Variants in TMEM135 observed in about 807,000 individuals in gnomAD.
The protein encoded by TMEM135 is transmembrane protein 135, also known as peroxisomal membrane protein 52.
TMEM135 carries 30 observed loss-of-function variants against 60.3 expected under a neutral mutation model. That is an observed-to-expected ratio of 0.50 (90% CI 0.37 to 0.68). The LOEUF (loss-of-function observed/expected upper bound fraction) is 0.68, where lower values mean the gene tolerates loss of function less well. Among genes scored for constraint, TMEM135 ranks in the 30% least tolerant of loss-of-function variants. TMEM135 has a pLI of 0.00. For synonymous variants in TMEM135, 190 were observed against 186.7 expected, an observed-to-expected ratio of 1.02 and a Z score of -0.14; for missense variants, 468 against 548.8, an observed-to-expected ratio of 0.85 and a Z score of 1.47.
At chr11:87,162,773 C>A (rs1302800286) in intron 5 of TMEM135, among the ~76,000 whole-genome samples, 1 of 152,124 alleles carries the variant, frequency 6.6e-6, no homozygotes, top group Non-Finnish European at 1.5e-5. Flanking sequence ...ATTTCTGGTT[C>A]TAGATCCTTA....
chr11:87,058,180 A>G (rs964617539), intron 1 of TMEM135, among the ~76,000 whole-genome samples: 4 of 152,160 alleles, frequency 2.6e-5, no homozygotes, highest in Non-Finnish European at 5.9e-5. Flanking sequence ...TCAAATGTTA[A>G]TCTCACCTAG....
At chr11:87,157,023 G>A (rs1046802414) in intron 4 of TMEM135, among the ~76,000 whole-genome samples, 2 of 151,144 alleles carry the variant, frequency 1.3e-5, no homozygotes, top group Admixed American at 1.3e-4. Context: ...ATTGTGCCTT[G>A]TAGATGGTTC....
intron 6 of TMEM135, among the ~76,000 whole-genome samples, chr11:87,253,150 C>G (rs959237670): frequency 2.0e-5 from 3 of 152,092 alleles, no homozygotes; most frequent in Non-Finnish European, 4.4e-5. Flanking sequence ...GTTGAGTGTA[C>G]TCTAAGAATG....
At chr11:87,231,736 T>C (rs533435941) in intron 5 of TMEM135, among the ~76,000 whole-genome samples, 1 of 151,954 alleles carries the variant, frequency 6.6e-6, no homozygotes, top group Non-Finnish European at 1.5e-5. Flanking sequence ...TTAAAAAGAG[T>C]TATCATAACT....
chr11:87,321,255 A>C lies in TMEM135; in HGVS notation c.1299A>C (p.Lys433Asn), dbSNP rs1012350332. 1 of 1,613,760 alleles carries C rather than the reference A, an allele frequency of 6.2e-7. No homozygotes were observed. The highest frequency in any genetic ancestry group is 8.5e-7 in the Non-Finnish European group (1 of 1,179,716). Residue 433 changes from lysine (K) to asparagine (N), a missense_variant, in exon 15 of 15, where the codon AAA (lysine) becomes AAC (asparagine). Coordinates refer to ENST00000305494, the MANE Select transcript of TMEM135 (RefSeq NM_022918.4). Reference sequence around the variant, plus strand: ...ATGTTTTTGGTACTGGTGCATCTAAACACTTTCAGGATTTCATCCCCAGGT... The same window carrying C: ...ATGTTTTTGGTACTGGTGCATCTAACCACTTTCAGGATTTCATCCCCAGGT... Reference protein sequence around the residue: ...VLDVFGTGASKHFQDFIPRLD... With the variant: ...VLDVFGTGASNHFQDFIPRLD...
chr11:87,054,233 G>A (rs988140826), intron 1 of TMEM135, among the ~76,000 whole-genome samples: 10 of 151,940 alleles, frequency 6.6e-5, no homozygotes, highest in African/African-American at 2.2e-4. Flanking sequence ...TCAGGAGTTC[G>A]AGACCAGCCT....
At chr11:87,211,437 A>AT (rs1210192739) in intron 5 of TMEM135, among the ~76,000 whole-genome samples, 2 of 152,200 alleles carry the variant, frequency 1.3e-5, no homozygotes, top group African/African-American at 2.4e-5. Flanking sequence ...TAAAAAGTAT[A>AT]TTGAAGAGAA....
At chr11:87,121,099 A>T (rs1338514532) in intron 4 of TMEM135, 1 of 152,204 alleles carries the variant, frequency 6.6e-6, no homozygotes, top group African/African-American at 2.4e-5. Context: ...TTGTAGGGAA[A>T]GATTTTCTGT....
At chr11:87,314,014 CT>C (rs1942683907) in intron 11 of TMEM135, among the ~76,000 whole-genome samples, 1 of 151,738 alleles carries the variant, frequency 6.6e-6, no homozygotes, top group South Asian at 2.1e-4. Flanking sequence ...CCCTCCTCCC[CT>C]GGCCTTGGTT....
intron 6 of TMEM135, among the ~76,000 whole-genome samples, chr11:87,284,503 C>G (rs1554984492): frequency 6.7e-6 from 1 of 149,356 alleles, no homozygotes. Context: ...TTAGGACACA[C>G]CAGAAAAAAG....
chr11:87,040,858 C>T (rs954895261), intron 1 of TMEM135, among the ~76,000 whole-genome samples: 2 of 152,014 alleles, frequency 1.3e-5, no homozygotes, highest in Non-Finnish European at 2.9e-5. Flanking sequence ...CTCCCTTCTC[C>T]GGTGGCACTT....
chr11:87,063,407 C>T (rs752735941), intron 1 of TMEM135, among the ~76,000 whole-genome samples: 5 of 152,028 alleles, frequency 3.3e-5, no homozygotes, highest in African/African-American at 4.8e-5. Context: ...ATGAACATTA[C>T]GAAGTCTTTG....
At chr11:87,076,062 C>G (rs941197877) in intron 3 of TMEM135, among the ~76,000 whole-genome samples, 2 of 152,192 alleles carry the variant, frequency 1.3e-5, no homozygotes, top group Non-Finnish European at 2.9e-5. Context: ...TGTGTTCACT[C>G]AAAGCCCTAG....
intron 7 of TMEM135, among the ~76,000 whole-genome samples, chr11:87,297,726 A>G (rs1203994013): frequency 6.6e-6 from 1 of 152,224 alleles, no homozygotes; most frequent in Non-Finnish European, 1.5e-5. Flanking sequence ...AATATTCCAG[A>G]AAAAATGTTT....
intron 4 of TMEM135, among the ~76,000 whole-genome samples, chr11:87,118,825 G>T (rs1857963138): frequency 6.6e-6 from 1 of 152,104 alleles, no homozygotes; most frequent in Non-Finnish European, 1.5e-5. Context: ...TAAATCTCAT[G>T]AACCCACCTC....
intron 4 of TMEM135, among the ~76,000 whole-genome samples, chr11:87,157,119 G>A (rs1013152310): frequency 8.8e-5 from 13 of 147,956 alleles, no homozygotes; most frequent in African/African-American, 3.3e-4. Flanking sequence ...CATCTAGGCA[G>A]TGGCTCAATC....
intron 3 of TMEM135, among the ~76,000 whole-genome samples, chr11:87,088,830 C>G (rs1456687469): frequency 6.6e-6 from 1 of 152,092 alleles, no homozygotes; most frequent in African/African-American, 2.4e-5. Context: ...CAGGGTAGCT[C>G]CAGTCAAAAA....
At chr11:87,208,953 C>T (rs653419) in intron 5 of TMEM135, among the ~76,000 whole-genome samples, 19,798 of 152,098 alleles carry the variant, frequency 0.13, 1,339 homozygotes, top group Non-Finnish European at 0.15. Context: ...AATTTCATAT[C>T]CCTCCAATCT....
chr11:87,066,072 A>G (rs2512362), intron 1 of TMEM135, among the ~76,000 whole-genome samples: 70,760 of 151,970 alleles, frequency 0.47, 17,276 homozygotes, highest in East Asian at 0.64. Context: ...GGAGGGAGTA[A>G]CAGAAGAATT....
Sources: allele counts gnomAD v4.1 joint callset (sites outside exome capture counted in the v4.1 genomes callset), GRCh38; gene constraint gnomAD v4.1.1; transcripts MANE v1.5; gene names NCBI Gene and HGNC (gene_info 2026-07-23, HGNC 2026-07-21).